Variants in FRAS1 observed in about 807,000 individuals in gnomAD.
The protein encoded by FRAS1 is extracellular matrix organizing protein FRAS1.
A neutral mutation model predicts 435.2 loss-of-function variants in FRAS1; 290 were observed. The ratio of observed to expected loss-of-function variants is 0.67; its 90% CI spans 0.61 to 0.73. The LOEUF is 0.73. Among genes scored for constraint, FRAS1 ranks in the 30% least tolerant of loss-of-function variants. The pLI, the probability that FRAS1 is intolerant of heterozygous loss-of-function variation, is 0.00. For missense variants in FRAS1, 4,860 were observed against 5,001.5 expected (o/e 0.97, Z 0.85); for synonymous variants, 1,800 against 1,851.0 (o/e 0.97, Z 0.71).
rs1727405834 is a variant in FRAS1, at chr4:78,282,962, C to T, written c.1250C>T (p.Thr417Ile). Residue 417 changes from threonine to isoleucine, a missense_variant, in exon 12 of 74, where the codon ACA (threonine) becomes ATA (isoleucine). Physicochemically the swap from Thr to Ile is moderately conservative, Grantham distance 89 (BLOSUM62 -1). Transcript: ENST00000512123. ...AAGGGACAGTGCTGTCCAGACTGCA[C>T]ATCAGGTGGGTCCATGTCTCCTCTG... ...EVKGQCCPDC[T>I]SVHCHPDCLT... 3.3e-6 allele frequency: 5 copies of T among 1,531,316 alleles called. No homozygotes were observed. In the African/African-American group the frequency reaches 4.2e-5, roughly 13 times the overall value. The allele number at this position is 1,531,316 out of a possible 1,614,324, so 94.9% of individuals were successfully genotyped here. A position where few individuals can be genotyped will look rare whatever the true frequency, so the allele number is the denominator to read the frequency against.
intron 57 of FRAS1, 151 bp from the exon 58 acceptor site, chr4:78,482,237 G>T: frequency 1.2e-6 from 1 of 866,794 alleles, no homozygotes. Context: ...AACTCCGAGT[G>T]GCATGTAATA....
chr4:78,199,394 G>A (rs1722955061), intron 2 of FRAS1, among the ~76,000 whole-genome samples: 1 of 152,152 alleles, frequency 6.6e-6, no homozygotes, highest in African/African-American at 2.4e-5. Flanking sequence ...TCCTTTTCTT[G>A]ATGAGCCTTC....
rs779326759 is a variant in FRAS1, at chr4:78,464,560, A to C, written c.7006A>C (p.Lys2336Gln). 3 of 1,613,718 alleles carry C rather than the reference A, an allele frequency of 1.9e-6. No homozygotes were observed. In the Admixed American group the frequency reaches 5.0e-5, roughly 27 times the overall value. Residue 2336 changes from lysine (K) to glutamine (Q), a missense_variant, in exon 49 of 74, where the codon AAG becomes CAG. Transcript: ENST00000512123. Reference protein sequence around the residue: ...MRKTITEFELKAVDADTEAES... With the variant: ...MRKTITEFELQAVDADTEAES... ...GAAGACCATCACAGAGTTTGAGCTT[A>C]AGGCGGTGGATGCTGACACAGAGGT...
At chr4:78,403,789 C>G (rs959272772) in intron 30 of FRAS1, among the ~76,000 whole-genome samples, 1 of 152,118 alleles carries the variant, frequency 6.6e-6, no homozygotes, top group African/African-American at 2.4e-5. Flanking sequence ...CCTAACCTAC[C>G]GAACATCATA....
rs769491203 is a variant in FRAS1 at position 78,308,156 on chromosome 4, G to T, written c.1625G>T (p.Gly542Val). 19 of 1,613,820 alleles carry T rather than the reference G, an allele frequency of 1.2e-5. No individual in the cohort carries two copies. The highest frequency in any genetic ancestry group is 8.3e-5 in the Admixed American group (5 of 59,996). The change falls in exon 15 of 74, where the codon GGC (glycine) becomes GTC (valine). Residue 542 changes from glycine to valine, a missense_variant. Coordinates refer to ENST00000512123, the MANE Select transcript of FRAS1 (RefSeq NM_025074.7). ...RDPLHVLRDGGCESSCGKGFY... is the reference protein window; with the variant it reads ...RDPLHVLRDGVCESSCGKGFY... ...CCCCTCCACGTGCTGAGAGATGGCG[G>T]CTGTGAGAGCAGCTGTGGAAAAGGC...
chr4:78,181,897 C>T, intron 2 of FRAS1: 7 of 1,611,272 alleles, frequency 4.3e-6, no homozygotes, highest in African/African-American at 1.3e-5. Flanking sequence ...CGCTCTTGGC[C>T]CCAGGGCCCC....
At chr4:78,490,238 A>G (rs1415020181) in intron 59 of FRAS1, among the ~76,000 whole-genome samples, 1 of 152,176 alleles carries the variant, frequency 6.6e-6, no homozygotes, top group Non-Finnish European at 1.5e-5. Context: ...TCAATATTAG[A>G]CAGATCAATG....
intron 2 of FRAS1, among the ~76,000 whole-genome samples, chr4:78,115,167 C>T (rs908133649): frequency 3.3e-5 from 5 of 151,234 alleles, no homozygotes; most frequent in African/African-American, 1.2e-4. Flanking sequence ...CCTTGCATCC[C>T]AGGGATGAAG....
At chr4:78,119,768 G>A (rs558692593) in intron 2 of FRAS1, among the ~76,000 whole-genome samples, 1 of 152,300 alleles carries the variant, frequency 6.6e-6, no homozygotes, top group East Asian at 1.9e-4. Flanking sequence ...AGGATCCTGA[G>A]TTTTACTTTT....
At chr4:78,252,833 C>CA (rs1409439566) in intron 5 of FRAS1, among the ~76,000 whole-genome samples, 2 of 152,038 alleles carry the variant, frequency 1.3e-5, no homozygotes, top group Non-Finnish European at 2.9e-5. Flanking sequence ...GAGTAGGTCA[C>CA]AAAGACCACA....
intron 18 of FRAS1, chr4:78,319,222 G>A: frequency 1.8e-6 from 1 of 549,472 alleles, no homozygotes. Flanking sequence ...CTTTTCCAAG[G>A]TTCCATTCGC....
At chr4:78,520,106 C>T (rs1487133851) in intron 67 of FRAS1, among the ~76,000 whole-genome samples, 2 of 151,564 alleles carry the variant, frequency 1.3e-5, no homozygotes, top group Non-Finnish European at 2.9e-5. Flanking sequence ...GCTGGGAGCC[C>T]ACACCTCACC....
chr4:78,116,525 T>A (rs1251616301), intron 2 of FRAS1, among the ~76,000 whole-genome samples: 2 of 152,124 alleles, frequency 1.3e-5, no homozygotes, highest in African/African-American at 4.8e-5. Flanking sequence ...TGTATTGGGT[T>A]CATATATATT....
chr4:78,377,254 G>A (rs1578284717), intron 26 of FRAS1, among the ~76,000 whole-genome samples: 1 of 151,956 alleles, frequency 6.6e-6, no homozygotes, highest in African/African-American at 2.4e-5. Context: ...CTATATTTCT[G>A]GCCTTTAAAG....
chr4:78,474,283 G>C (rs1171893122), intron 53 of FRAS1, among the ~76,000 whole-genome samples: 3 of 152,194 alleles, frequency 2.0e-5, no homozygotes, highest in Admixed American at 6.5e-5. Context: ...TAGTGTGCAA[G>C]CATGGTGCTG....
intron 20 of FRAS1, among the ~76,000 whole-genome samples, chr4:78,362,944 G>T (rs1366541998): frequency 6.6e-6 from 1 of 152,170 alleles, no homozygotes; most frequent in Non-Finnish European, 1.5e-5. Context: ...AAAAAGGCAT[G>T]ATTCAGAAAG....
intron 18 of FRAS1, among the ~76,000 whole-genome samples, chr4:78,329,709 C>A (rs1386071805): frequency 6.6e-6 from 1 of 152,170 alleles, no homozygotes; most frequent in Non-Finnish European, 1.5e-5. Context: ...CGAGACTGAC[C>A]ATTCATGGGA....
At position 78,163,374 on chromosome 4, in the gene FRAS1, G is replaced by A. The variant is rs539089089; in HGVS notation, c.109-74136G>A. ...CTGTAATATTTCTCAGTGTTAAAGA[G>A]AAAAAAATCCTCTGTTTTAATTAAA... On this transcript the variant is annotated intron_variant, in intron 2 of 73. Transcript: ENST00000512123. Among the ~76,000 whole-genome samples the A allele has an allele frequency of 8.5e-5, 13 of 152,058 alleles. No individual in the cohort carries two copies. The South Asian group carries it at 2.1e-3, about 24-fold the overall frequency.
At chr4:78,481,203 G>T (rs1720000353) in intron 56 of FRAS1, among the ~76,000 whole-genome samples, 1 of 152,164 alleles carries the variant, frequency 6.6e-6, no homozygotes, top group Non-Finnish European at 1.5e-5. Context: ...ATATCCTTAG[G>T]ACACTACAAA....
Sources: gnomAD v4.1 joint callset for allele counts (sites outside exome capture counted in the v4.1 genomes callset) on GRCh38, gnomAD v4.1.1 for gene constraint, MANE v1.5 for transcripts, NCBI Gene and HGNC (gene_info 2026-07-23, HGNC 2026-07-21) for gene names.